Variants in SOX13 observed in about 807,000 individuals in gnomAD.
The protein encoded by SOX13 is SRY-box transcription factor 13, also known as transcription factor SOX-13.
Under a neutral mutation model 71.8 loss-of-function variants are expected in SOX13, and 28 were observed. That is an observed-to-expected ratio of 0.39 (90% CI 0.29 to 0.53). SOX13 has a LOEUF of 0.53. Among genes scored for constraint, SOX13 ranks in the 20% least tolerant of loss-of-function variants. The probability of loss-of-function intolerance (pLI) is 0.70; values close to 1 mark genes in which losing one functional copy is unlikely to be tolerated. For synonymous variants in SOX13, 309 were observed against 317.8 expected (o/e 0.97, Z 0.29); for missense variants, 627 against 810.3 (o/e 0.77, Z 2.75).
chr1:204,109,035 TCTGAGCCCCTC>T (rs1656525064), intron 1 of SOX13, among the ~76,000 whole-genome samples: 1 of 152,172 alleles, frequency 6.6e-6, no homozygotes, highest in African/African-American at 2.4e-5. Flanking sequence ...TCGGCCTGGC[TCTGAGCCCCTC>T]CCGGTGCCCG....
chr1:204,108,677 C>T (rs572000988), intron 1 of SOX13, among the ~76,000 whole-genome samples: 59 of 152,294 alleles, frequency 3.9e-4, no homozygotes, highest in African/African-American at 1.4e-3. Flanking sequence ...GGCCGGCCTG[C>T]GCCCGCAGTG....
At chr1:204,116,217 T>G in intron 4 of SOX13, 2 of 1,383,664 alleles carry the variant, frequency 1.4e-6, no homozygotes, top group Non-Finnish European at 1.9e-6. Flanking sequence ...TCGAGGACAT[T>G]GAAGAGGCCT....
rs1656842868 is a variant in SOX13 at position 204,123,018 on chromosome 1, T to G, written c.1134+55T>G. On this transcript the variant is annotated intron_variant, in intron 10 of 13. Transcript: ENST00000367204. This position sits in a 1 kb window ranked among gnomAD's most constrained non-coding sequence, Gnocchi z 5.0. ...GGCAGCAACAGATGGTGGCCAGGAG[T>G]GGAAGACACAGTCTGAGGCCACCAA... 6.7e-6 allele frequency: 10 copies of G among 1,497,932 alleles called. No homozygotes were observed. Among genetic ancestry groups the G allele is most frequent in the Non-Finnish European group, 9.2e-6 (10 of 1,081,292 alleles). 92.8% of individuals were successfully genotyped at this position (1,497,932 alleles called of 1,614,324 possible).
intron 1 of SOX13, among the ~76,000 whole-genome samples, chr1:204,103,713 C>T (rs1656403990): frequency 6.6e-6 from 1 of 152,242 alleles, no homozygotes; most frequent in Non-Finnish European, 1.5e-5. Context: ...ATGTGCTCAC[C>T]TGTCCAGGAC....
rs185871510 is a variant in SOX13, at chr1:204,087,078, C to G, written c.-2+13367C>G. Among the ~76,000 whole-genome samples the G allele has an allele frequency of 1.6e-3, 246 of 152,284 alleles. 1 individual carries two copies. Among genetic ancestry groups the G allele is most frequent in the African/African-American group, 5.3e-3 (219 of 41,562 alleles). ...AGCTGGGACTACAGGCACCCACCAC[C>G]AGGCCCGGCTAATTTTTGTATTTTT... On this transcript the variant is annotated intron_variant, in intron 1 of 13. Transcript: ENST00000367204.
intron 1 of SOX13, among the ~76,000 whole-genome samples, chr1:204,104,744 C>T (rs542132625): frequency 2.3e-4 from 35 of 152,328 alleles, no homozygotes; most frequent in Non-Finnish European, 2.4e-4. Context: ...AGAGGGTCTG[C>T]CTGTCTGTTC....
At chr1:204,080,292 G>A (rs961272380) in intron 1 of SOX13, among the ~76,000 whole-genome samples, 17 of 152,120 alleles carry the variant, frequency 1.1e-4, no homozygotes, top group African/African-American at 3.4e-4. Flanking sequence ...TTGGGGCAGG[G>A]TTAGGGGGAG....
chr1:204,078,669 C>T (rs1439828135), intron 1 of SOX13, among the ~76,000 whole-genome samples: 2 of 152,166 alleles, frequency 1.3e-5, no homozygotes, highest in Non-Finnish European at 2.9e-5. Flanking sequence ...GGGAACTAGA[C>T]CCATGGAGGA....
chr1:204,126,792 G>T lies in SOX13; in HGVS notation c.*658G>T, dbSNP rs11541600. ...TCTCGATGCCACTCCTGCTTCTCTG[G>T]GGGCCTCTTTCTGTGCTTCTCTTTG... is the stretch of plus-strand genomic sequence containing the variant. On this transcript the variant is annotated 3_prime_UTR_variant, in exon 14 of 14. Transcript: ENST00000367204. 0.084 allele frequency: 12,880 copies of T among 153,136 alleles called. 624 individuals carry two copies. Among genetic ancestry groups the T allele is most frequent in the Middle Eastern group, 0.14 (40 of 296 alleles). The allele number at this position is 153,136 out of a possible 1,614,324, so 9.5% of individuals were successfully genotyped here.
At chr1:204,094,910 A>T (rs1656221028) in intron 1 of SOX13, among the ~76,000 whole-genome samples, 1 of 152,144 alleles carries the variant, frequency 6.6e-6, no homozygotes, top group South Asian at 2.1e-4. Context: ...GGCCCACAGA[A>T]GCCAGCATCT....
intron 1 of SOX13, among the ~76,000 whole-genome samples, chr1:204,080,001 G>A (rs555284550): frequency 1.3e-5 from 2 of 152,328 alleles, no homozygotes; most frequent in South Asian, 2.1e-4. Context: ...GAGACGTCCC[G>A]AGATCTGTAC....
chr1:204,126,144 G>T lies in SOX13; in HGVS notation c.*10G>T. On this transcript the variant is annotated 3_prime_UTR_variant, in exon 14 of 14. Coordinates refer to ENST00000367204, the MANE Select transcript of SOX13 (RefSeq NM_005686.3). ...GGTGCTCACAGACTGATCCCGGCTG[G>T]GTGGGCCTGGCCCCTTCTCCTCTGG... 1 of 1,611,696 alleles carries T rather than the reference G, an allele frequency of 6.2e-7. No individual in the cohort carries two copies. The highest frequency in any genetic ancestry group is 8.5e-7 in the Non-Finnish European group (1 of 1,178,222).
Position 204,123,347 on chromosome 1 carries a change from C to T in SOX13, c.1231+139C>T. 2 of 727,024 alleles carry T rather than the reference C, an allele frequency of 2.8e-6. No individual in the cohort carries two copies. The highest frequency in any genetic ancestry group is 4.3e-5 in the Admixed American group (2 of 46,062). 45.0% of individuals were successfully genotyped at this position (727,024 alleles called of 1,614,324 possible). ...CCAGGTGTGTGTGCCTCTGCTGTCC[C>T]ATTATGTGTCTGTCGGCTCTGTCTC... is the stretch of plus-strand genomic sequence containing the variant. On this transcript the variant is annotated intron_variant, in intron 11 of 13. Coordinates refer to ENST00000367204, the MANE Select transcript of SOX13 (RefSeq NM_005686.3). The surrounding 1 kb of genome is among the most constrained non-coding windows in gnomAD (Gnocchi z 5.0).
intron 1 of SOX13, among the ~76,000 whole-genome samples, chr1:204,078,487 G>T (rs568069763): frequency 1.1e-4 from 17 of 152,346 alleles, no homozygotes; most frequent in Admixed American, 3.3e-4. Flanking sequence ...GGGAGGGCCG[G>T]CCAGGCACAC....
Position 204,073,137 on chromosome 1 carries a change from G to C in SOX13, c.-576G>C, listed in dbSNP as rs535739758. ...TCCAGTCGCCTCGCAGCAGCGAGCCGCGAGCGCCCTTCTCCAGTCCCGGCT... is the reference window on the plus strand; with the variant it reads ...TCCAGTCGCCTCGCAGCAGCGAGCCCCGAGCGCCCTTCTCCAGTCCCGGCT... On this transcript the variant is annotated 5_prime_UTR_variant, in exon 1 of 14. Coordinates refer to ENST00000367204, the MANE Select transcript of SOX13 (RefSeq NM_005686.3). This position sits in a 1 kb window ranked among gnomAD's most constrained non-coding sequence, Gnocchi z 6.8. The C allele has an allele frequency of 3.4e-5, 5 of 146,520 alleles. No homozygotes were observed. The highest frequency in any genetic ancestry group is 1.2e-4 in the African/African-American group (5 of 40,328). The allele number at this position is 146,520 out of a possible 1,614,324, so 9.1% of individuals were successfully genotyped here.
intron 1 of SOX13, among the ~76,000 whole-genome samples, chr1:204,106,716 G>A (rs1656478154): frequency 1.3e-5 from 2 of 152,100 alleles, no homozygotes; most frequent in Admixed American, 1.3e-4. Flanking sequence ...TGTTGGTCAA[G>A]CTGGTCTCAA....
chr1:204,111,899 T>C (rs1025947164), intron 1 of SOX13, among the ~76,000 whole-genome samples: 1 of 152,120 alleles, frequency 6.6e-6, no homozygotes, highest in South Asian at 2.1e-4. Context: ...TTTTACCTTA[T>C]CTCCACTGTA....
At chr1:204,124,051 T>C (rs778173348) in intron 12 of SOX13, among the ~76,000 whole-genome samples, 3 of 152,184 alleles carry the variant, frequency 2.0e-5, no homozygotes, top group Non-Finnish European at 4.4e-5. Flanking sequence ...TTACATTCTT[T>C]AGTACTCCTG....
chr1:204,112,304 G>T (rs1457420331), intron 1 of SOX13, among the ~76,000 whole-genome samples: 3 of 152,110 alleles, frequency 2.0e-5, no homozygotes, highest in Admixed American at 6.6e-5. Context: ...AGTTGGGGGT[G>T]GTGGCGTGTG....
Sources: allele counts gnomAD v4.1 joint callset (sites outside exome capture counted in the v4.1 genomes callset), GRCh38; gene constraint gnomAD v4.1.1; non-coding constraint Gnocchi (gnomAD v3.1); transcripts MANE v1.5; gene names NCBI Gene and HGNC (gene_info 2026-07-23, HGNC 2026-07-21).